The following DISP1 variants were observed in gnomAD, a reference collection of about 807,000 sequenced individuals.
DISP1 encodes protein dispatched homolog 1.
DISP1 carries 30 observed loss-of-function variants against 37.3 expected under a neutral mutation model. That is an observed-to-expected ratio of 0.80 (90% confidence interval 0.60 to 1.09). DISP1 has a LOEUF of 1.09. Ranked by LOEUF, DISP1 falls within the 50% of genes least tolerant of loss-of-function variation. The pLI is 0.00. For synonymous variants in DISP1, 634 were observed against 690.2 expected (o/e 0.92, Z 1.28); for missense variants, 1,598 against 1,879.5 (o/e 0.85, Z 2.77).
At chr1:222,846,824 G>T (rs1667938088) in intron 1 of DISP1, among the ~76,000 whole-genome samples, 7 of 152,256 alleles carry the variant, frequency 4.6e-5, no homozygotes, top group Admixed American at 4.6e-4. Context: ...ATGTATACAT[G>T]TTGAGGAATA....
chr1:222,922,766 A>G (rs1208038369), intron 1 of DISP1, among the ~76,000 whole-genome samples: 1 of 152,178 alleles, frequency 6.6e-6, no homozygotes, highest in East Asian at 1.9e-4. Context: ...CATAAAGCAG[A>G]AAGTTCAAAG....
intron 1 of DISP1, among the ~76,000 whole-genome samples, chr1:222,874,063 G>A (rs1406166300): frequency 1.3e-5 from 2 of 152,164 alleles, no homozygotes; most frequent in African/African-American, 4.8e-5. Context: ...GAAATTCTGG[G>A]TTGAAAATTC....
intron 2 of DISP1, among the ~76,000 whole-genome samples, chr1:222,936,929 TGTAATA>T (rs1673933902): frequency 1.5e-5 from 1 of 68,470 alleles, no homozygotes. Context: ...TTATATAATA[TGTAATA>T]TATATTATAT....
At chr1:222,820,125 A>G (rs1662441568) in intron 1 of DISP1, among the ~76,000 whole-genome samples, 1 of 152,168 alleles carries the variant, frequency 6.6e-6, no homozygotes, top group Non-Finnish European at 1.5e-5. Flanking sequence ...AAAAGTAGTT[A>G]TAGTTAAGTG....
At chr1:222,912,903 C>T (rs1028105102) in intron 1 of DISP1, among the ~76,000 whole-genome samples, 1 of 151,942 alleles carries the variant, frequency 6.6e-6, no homozygotes, top group Non-Finnish European at 1.5e-5. Context: ...TGAGTATTGA[C>T]CTGTGATGTA....
chr1:223,003,853 C>A lies in DISP1; in HGVS notation c.2456C>A (p.Ala819Asp), dbSNP rs1064794602. 6.2e-7 allele frequency: 1 copy of A among 1,614,162 alleles called. No individual in the cohort carries two copies. Among genetic ancestry groups the A allele is most frequent in the Non-Finnish European group, 8.5e-7 (1 of 1,180,032 alleles). ...KLTLDSSFNI[A>D]SPASQAWILH... ...ACATTAGATAGCAGTTTTAACATCGCCAGCCCAGCTTCCCAGGCCTGGATT... is the reference window on the plus strand; with the variant it reads ...ACATTAGATAGCAGTTTTAACATCGACAGCCCAGCTTCCCAGGCCTGGATT... The change falls in exon 9 of 9, where the codon GCC (alanine) becomes GAC (aspartate). Residue 819 changes from alanine (A) to aspartate (D), a missense_variant. By Grantham distance (126) the Ala-to-Asp change is moderately radical. Transcript: ENST00000675850. The surrounding 1 kb of genome is among the most constrained non-coding windows in gnomAD (Gnocchi z 4.3).
chr1:222,829,963 T>C (rs1040793246), intron 1 of DISP1, among the ~76,000 whole-genome samples: 5 of 152,136 alleles, frequency 3.3e-5, no homozygotes, highest in African/African-American at 1.2e-4. Flanking sequence ...TGGTATTGAT[T>C]TAGTGTTTTT....
At chr1:222,861,061 T>C (rs193120939) in intron 1 of DISP1, among the ~76,000 whole-genome samples, 1 of 152,200 alleles carries the variant, frequency 6.6e-6, no homozygotes, top group African/African-American at 2.4e-5. Context: ...GCCATACTTA[T>C]CAATGAACCA....
intron 1 of DISP1, among the ~76,000 whole-genome samples, chr1:222,900,070 G>T (rs1213643685): frequency 1.3e-5 from 2 of 152,118 alleles, no homozygotes; most frequent in Non-Finnish European, 2.9e-5. Context: ...ATGTAAGCTG[G>T]TAAGATTAAA....
intron 1 of DISP1, among the ~76,000 whole-genome samples, chr1:222,821,847 C>G (rs1240572261): frequency 6.8e-6 from 1 of 147,116 alleles, no homozygotes; most frequent in African/African-American, 2.5e-5. Flanking sequence ...CCACTGCACT[C>G]CAGCCTGGAT....
chr1:222,912,054 A>G (rs1672242347), intron 1 of DISP1, among the ~76,000 whole-genome samples: 2 of 152,214 alleles, frequency 1.3e-5, no homozygotes, highest in African/African-American at 4.8e-5. Context: ...ATCTTTGACC[A>G]TGGGCCGGAG....
At chr1:222,923,932 T>C (rs1387820369) in intron 1 of DISP1, among the ~76,000 whole-genome samples, 2 of 151,946 alleles carry the variant, frequency 1.3e-5, no homozygotes, top group Non-Finnish European at 2.9e-5. Flanking sequence ...ACAAAGCAAG[T>C]AAAAATAGGA....
chr1:222,973,039 G>A (rs780323312), intron 3 of DISP1, among the ~76,000 whole-genome samples: 1 of 150,098 alleles, frequency 6.7e-6, no homozygotes, highest in African/African-American at 2.4e-5. Context: ...TGTATTAAAT[G>A]TATTTTAAGT....
At chr1:222,818,147 TG>T (rs922372623) in intron 1 of DISP1, among the ~76,000 whole-genome samples, 2 of 150,472 alleles carry the variant, frequency 1.3e-5, no homozygotes, top group South Asian at 2.1e-4. Flanking sequence ...ATGATTTGCA[TG>T]GGGGGGTGGG....
intron 1 of DISP1, among the ~76,000 whole-genome samples, chr1:222,841,705 C>G (rs947129614): frequency 6.6e-6 from 1 of 152,014 alleles, no homozygotes; most frequent in Non-Finnish European, 1.5e-5. Context: ...AATGAGTATA[C>G]TGTTTTATTT....
At position 222,983,086 on chromosome 1, in the gene DISP1, C is replaced by T; in HGVS notation, c.516C>T (p.Ser172=). 1 of 1,606,212 alleles carries T rather than the reference C, an allele frequency of 6.2e-7. No homozygotes were observed. The highest frequency in any genetic ancestry group is 8.5e-7 in the Non-Finnish European group (1 of 1,175,002). Residue 172 remains serine (S), a synonymous_variant, in exon 4 of 9, where the codon TCC becomes TCT. Coordinates refer to ENST00000675850, the MANE Select transcript of DISP1 (RefSeq NM_001377229.1). ...TTGCTTTTTTTTTTTTCAGACCATC[C>T]AGACCTTTCAAGTTGCCAAAAAGGT... is the stretch of plus-strand genomic sequence containing the variant. The part of the protein sequence containing the change: ...VQQHIANIRP[S]RPFKLPKSYA...
intron 2 of DISP1, among the ~76,000 whole-genome samples, chr1:222,929,475 A>G (rs1464930695): frequency 3.3e-5 from 5 of 152,172 alleles, no homozygotes; most frequent in Non-Finnish European, 7.4e-5. Flanking sequence ...AATAGAAAAC[A>G]TACTTTACAA....
intron 3 of DISP1, chr1:222,979,496 T>C (rs1677672440): frequency 4.2e-5 from 14 of 335,660 alleles, no homozygotes; most frequent in South Asian, 3.7e-4. Flanking sequence ...ACTGAAAACA[T>C]GGAATTGTAC....
At chr1:222,917,407 A>G (rs182352667) in intron 1 of DISP1, among the ~76,000 whole-genome samples, 21 of 152,280 alleles carry the variant, frequency 1.4e-4, no homozygotes, top group African/African-American at 4.8e-4. Flanking sequence ...TGAGGAAGGT[A>G]TGCTGGAACA....
Sources: allele counts gnomAD v4.1 joint callset (sites outside exome capture counted in the v4.1 genomes callset), GRCh38; gene constraint gnomAD v4.1.1; non-coding constraint Gnocchi (gnomAD v3.1); transcripts MANE v1.5; gene names NCBI Gene and HGNC (gene_info 2026-07-23, HGNC 2026-07-21).